PAFAH1B1: variants seen among roughly 807,000 people sequenced by gnomAD.
PAFAH1B1 encodes platelet-activating factor acetylhydrolase IB subunit beta.
PAFAH1B1 carries 2 observed loss-of-function variants against 57.5 expected under a neutral mutation model. The observed-to-expected ratio is 0.03, with a 90% CI of 0.01 to 0.11. The LOEUF (loss-of-function observed/expected upper bound fraction) is 0.11. PAFAH1B1 is among the 10% of genes least tolerant of loss of function. The pLI is 1.00. For synonymous variants in PAFAH1B1, 152 were observed against 169.6 expected (o/e 0.90, Z 0.81); for missense variants, 257 against 512.0 (o/e 0.50, Z 4.81).
intron 1 of PAFAH1B1, among the ~76,000 whole-genome samples, chr17:2,635,872 A>G (rs932874946): frequency 3.3e-5 from 5 of 150,778 alleles, no homozygotes; most frequent in Admixed American, 2.0e-4. Context: ...AGGCCAAGCC[A>G]GGAGGATTGC....
chr17:2,666,941 T>C, intron 4 of PAFAH1B1, 51 bp from the exon 5 acceptor site: 1 of 1,404,794 alleles, frequency 7.1e-7, no homozygotes, highest in Non-Finnish European at 1.0e-6. Context: ...AAATGTCACA[T>C]GCTATTTTTA....
chr17:2,625,195 TC>T (rs1315865210), intron 1 of PAFAH1B1, among the ~76,000 whole-genome samples: 1 of 152,186 alleles, frequency 6.6e-6, no homozygotes, highest in East Asian at 1.9e-4. Flanking sequence ...AGCCTCTGTT[TC>T]TAGTGCTTAA....
chr17:2,605,682 A>AT (rs2068197555), intron 1 of PAFAH1B1, among the ~76,000 whole-genome samples: 1 of 151,938 alleles, frequency 6.6e-6, no homozygotes. Flanking sequence ...GTCTTTTCTA[A>AT]TTTTTTCCAC....
At chr17:2,616,009 G>C (rs1000581316) in intron 1 of PAFAH1B1, among the ~76,000 whole-genome samples, 1 of 152,180 alleles carries the variant, frequency 6.6e-6, no homozygotes, top group African/African-American at 2.4e-5. Flanking sequence ...CAAAAACTTA[G>C]TGGAAAGAAA....
chr17:2,674,659 T>C (rs1781857794), intron 8 of PAFAH1B1, among the ~76,000 whole-genome samples: 1 of 152,232 alleles, frequency 6.6e-6, no homozygotes, highest in African/African-American at 2.4e-5. Context: ...TATAAATTTA[T>C]GGTAAAATGC....
At chr17:2,648,632 C>T (rs1002829976) in intron 2 of PAFAH1B1, among the ~76,000 whole-genome samples, 6 of 149,168 alleles carry the variant, frequency 4.0e-5, no homozygotes, top group Admixed American at 2.7e-4. Context: ...GACCTGAGAT[C>T]GTGCCATTGC....
intron 10 of PAFAH1B1, among the ~76,000 whole-genome samples, chr17:2,680,669 G>A (rs2069369052): frequency 2.0e-5 from 3 of 152,126 alleles, no homozygotes; most frequent in Admixed American, 1.3e-4. Flanking sequence ...CCACTGGCAG[G>A]TGTATACTAT....
At chr17:2,596,787 A>AGT (rs1430974967) in intron 1 of PAFAH1B1, among the ~76,000 whole-genome samples, 1 of 152,168 alleles carries the variant, frequency 6.6e-6, no homozygotes, top group Non-Finnish European at 1.5e-5. Flanking sequence ...GTCCAGGTGC[A>AGT]GTGGTTCACG....
intron 1 of PAFAH1B1, among the ~76,000 whole-genome samples, chr17:2,631,072 C>G (rs143628857): frequency 7.2e-5 from 11 of 152,188 alleles, no homozygotes; most frequent in African/African-American, 2.4e-4. Context: ...GAAACCTTGT[C>G]TCTACTAAAA....
chr17:2,637,087 T>C (rs2068634311), intron 1 of PAFAH1B1, among the ~76,000 whole-genome samples: 1 of 152,164 alleles, frequency 6.6e-6, no homozygotes, highest in African/African-American at 2.4e-5. Context: ...GAGCAGTGAC[T>C]GGAATGGCAT....
intron 1 of PAFAH1B1, among the ~76,000 whole-genome samples, chr17:2,637,725 T>C (rs981787785): frequency 1.3e-5 from 2 of 152,262 alleles, no homozygotes; most frequent in Non-Finnish European, 2.9e-5. Flanking sequence ...GAAACCCTTA[T>C]CTGTTTTACC....
At position 2,655,784 on chromosome 17, in the gene PAFAH1B1, GA is replaced by G. The variant is rs771848909; in HGVS notation, c.33-9575del. Reference sequence around the variant, plus strand: ...TGTCGTCACATTACCCGACCGATGTGAAAAAAAAAAAAATAGAAGAGGAAAG... The same window carrying G: ...TGTCGTCACATTACCCGACCGATGTGAAAAAAAAAAAATAGAAGAGGAAAG... On this transcript the variant is annotated intron_variant, in intron 2 of 10. Transcript: ENST00000397195. Among the ~76,000 whole-genome samples, 719 of 140,864 alleles carry G rather than the reference GA, an allele frequency of 5.1e-3. 3 individuals carry two copies. The highest frequency in any genetic ancestry group is 0.013 in the African/African-American group (513 of 38,572). 92.4% of individuals were successfully genotyped at this position (140,864 alleles called of 152,430 possible).
At chr17:2,650,167 G>A (rs889785010) in intron 2 of PAFAH1B1, among the ~76,000 whole-genome samples, 2 of 152,164 alleles carry the variant, frequency 1.3e-5, no homozygotes, top group Non-Finnish European at 2.9e-5. Context: ...TTTGAGATCG[G>A]CCTGGGCAAC....
At chr17:2,659,689 T>C (rs1001414446) in intron 2 of PAFAH1B1, among the ~76,000 whole-genome samples, 7 of 151,402 alleles carry the variant, frequency 4.6e-5, no homozygotes, top group Admixed American at 1.3e-4. Flanking sequence ...AAAAAAAAAT[T>C]AGCTGGGCAT....
chr17:2,664,665 G>GCGCTCTCTCTCGCTCTCTCTCTCT, intron 2 of PAFAH1B1, among the ~76,000 whole-genome samples: 1 of 86,090 alleles, frequency 1.2e-5, no homozygotes, highest in South Asian at 4.4e-4. Context: ...TCTATCTATC[G>GCGCTCTCTCTCGCTCTCTCTCTCT]CTCTCTCTCT....
intron 2 of PAFAH1B1, chr17:2,638,787 C>T (rs1441871770): frequency 1.2e-5 from 2 of 172,830 alleles, no homozygotes; most frequent in South Asian, 1.3e-4. Context: ...GGATTACAGG[C>T]ATGAGCCACT....
intron 2 of PAFAH1B1, among the ~76,000 whole-genome samples, chr17:2,655,102 T>A (rs187935701): frequency 1.3e-5 from 2 of 151,854 alleles, no homozygotes; most frequent in African/African-American, 2.4e-5. Flanking sequence ...GCCCAGCTTG[T>A]GTTAGATTTT....
At position 2,631,219 on chromosome 17, in the gene PAFAH1B1, C is replaced by T. The variant is rs578060025; in HGVS notation, c.-190-6880C>T. Among the ~76,000 whole-genome samples, 6 of 150,826 alleles carry T rather than the reference C, an allele frequency of 4.0e-5. No individual in the cohort carries two copies. The South Asian group carries it at 1.1e-3, about 27-fold the overall frequency. On this transcript the variant is annotated intron_variant, in intron 1 of 10. Coordinates refer to ENST00000397195, the MANE Select transcript of PAFAH1B1 (RefSeq NM_000430.4). The stretch of plus-strand genomic sequence containing the variant: ...TTGGACCACTGCACTTCAGCCTGGG[C>T]GACAGAGCAAGATGCTCTGTCTCAA...
intron 1 of PAFAH1B1, among the ~76,000 whole-genome samples, chr17:2,618,742 G>A (rs967863766): frequency 2.0e-5 from 3 of 150,494 alleles, no homozygotes; most frequent in Non-Finnish European, 3.0e-5. Flanking sequence ...CCACCTCCTG[G>A]GTTCAAGTGA....
Sources: gnomAD v4.1 joint callset for allele counts (sites outside exome capture counted in the v4.1 genomes callset) on GRCh38, gnomAD v4.1.1 for gene constraint, MANE v1.5 for transcripts, NCBI Gene and HGNC (gene_info 2026-07-23, HGNC 2026-07-21) for gene names.